Variants in SMAD9 observed in about 807,000 individuals in gnomAD.
SMAD9 encodes the protein SMAD family member 9, also known as MAD homolog 9.
In SMAD9, 36 loss-of-function variants were observed where a neutral mutation model predicts 46.1. That is an observed-to-expected ratio of 0.78 (90% CI 0.60 to 1.03). The LOEUF (loss-of-function observed/expected upper bound fraction) is 1.03, where lower values mean the gene tolerates loss of function less well. SMAD9 is among the 50% of genes least tolerant of loss of function. SMAD9 has a pLI of 0.00. For missense variants in SMAD9, 572 were observed against 599.8 expected (o/e 0.95, Z 0.48); for synonymous variants, 245 against 237.1 (o/e 1.03, Z -0.31).
intron 5 of SMAD9, among the ~76,000 whole-genome samples, chr13:36,856,106 T>C (rs936571227): frequency 3.3e-5 from 5 of 152,006 alleles, no homozygotes; most frequent in African/African-American, 1.2e-4. Context: ...CTCACGATCA[T>C]AAAGAGAACC....
Position 36,902,971 on chromosome 13 carries a change from G to T in SMAD9, c.-187+17145C>A, listed in dbSNP as rs151148879. Reference sequence around the variant, plus strand: ...TCCTGAAAAGATAAAGTCATCCACAGCTGAAATAAGCGTGAGGATGGGAGT... The same window carrying T: ...TCCTGAAAAGATAAAGTCATCCACATCTGAAATAAGCGTGAGGATGGGAGT... On this transcript the variant is annotated intron_variant, in intron 1 of 6. Transcript: ENST00000379826. Among the ~76,000 whole-genome samples, 3 of 152,272 alleles carry T rather than the reference G, an allele frequency of 2.0e-5. No homozygotes were observed. The East Asian group carries it at 5.8e-4, about 29-fold the overall frequency.
rs767433709 is a variant in SMAD9 at position 36,865,545 on chromosome 13, A to G, written c.995T>C (p.Ile332Thr). The G allele has an allele frequency of 2.2e-5, 36 of 1,612,076 alleles. No individual in the cohort carries two copies. Among genetic ancestry groups the G allele is most frequent in the Non-Finnish European group, 2.5e-5 (29 of 1,178,410 alleles). ...NSTIENTRRH[I>T]GKGVHLYYVG... The stretch of plus-strand genomic sequence containing the variant: ...AACATCTTTGCTCTTACCCTTTCCT[A>G]TATGTCTCCTGGTATTTTCTATCGT... The change falls in exon 5 of 7, where the codon ATA becomes ACA. Residue 332 changes from isoleucine (I) to threonine (T), a missense_variant. Ile to Thr is a moderately conservative substitution (Grantham distance 89). Transcript: ENST00000379826.
chr13:36,865,719 CACCAGTG>C lies in SMAD9; in HGVS notation c.814_820del (p.His272AlafsTer8). 1 of 1,614,166 alleles carries C rather than the reference CACCAGTG, an allele frequency of 6.2e-7. No homozygotes were observed. ...GTTCAGTTCATAGTAGGCGACCGAGCACCAGTGCTGGGGCTCCTCGTAACAAACTGGT... is the reference window on the plus strand; with the variant it reads ...GTTCAGTTCATAGTAGGCGACCGAGCCTGGGGCTCCTCGTAACAAACTGGT... On this transcript the variant is annotated frameshift_variant, in exon 5 of 7. Transcript: ENST00000379826. LOFTEE classifies it high-confidence loss of function.
Position 36,848,090 on chromosome 13 carries a change from T to G in SMAD9, c.*586A>C, listed in dbSNP as rs1041990420. The G allele has an allele frequency of 6.5e-6, 1 of 152,724 alleles. No homozygotes were observed. The highest frequency in any genetic ancestry group is 2.1e-4 in the South Asian group (1 of 4,852). The allele number at this position is 152,724 out of a possible 1,614,324, so 9.5% of individuals were successfully genotyped here. ...TTTTCCGATCACAGTTTGTTTAAAATGTACCACTGAATATGAGCACAGGAG... is the reference window on the plus strand; with the variant it reads ...TTTTCCGATCACAGTTTGTTTAAAAGGTACCACTGAATATGAGCACAGGAG... On this transcript the variant is annotated 3_prime_UTR_variant, in exon 7 of 7. Coordinates refer to ENST00000379826, the MANE Select transcript of SMAD9 (RefSeq NM_001127217.3).
At chr13:36,892,208 C>A (rs1262831154) in intron 1 of SMAD9, among the ~76,000 whole-genome samples, 1 of 152,138 alleles carries the variant, frequency 6.6e-6, no homozygotes, top group Non-Finnish European at 1.5e-5. Flanking sequence ...CTTACAAAGT[C>A]ACGGAGGATA....
chr13:36,906,824 C>A (rs1265235085), intron 1 of SMAD9, among the ~76,000 whole-genome samples: 1 of 152,154 alleles, frequency 6.6e-6, no homozygotes, highest in African/African-American at 2.4e-5. Flanking sequence ...TGTAAAATGG[C>A]TTAGCAGGTG....
rs1454446482 is a variant in SMAD9, at chr13:36,879,720, G to A, written c.-31C>T. The A allele has an allele frequency of 6.8e-6, 11 of 1,612,188 alleles. No individual in the cohort carries two copies. The highest frequency in any genetic ancestry group is 9.3e-6 in the Non-Finnish European group (11 of 1,179,964). ...GCCACAGCAGGCTCCGGCGCGCACG[G>A]GAACCGCACAGCCCTTCACGGCAAA... On this transcript the variant is annotated 5_prime_UTR_variant, in exon 2 of 7. Coordinates refer to ENST00000379826, the MANE Select transcript of SMAD9 (RefSeq NM_001127217.3).
rs539138777 is a variant in SMAD9, at chr13:36,893,349, T to A, written c.-186-13474A>T. Among the ~76,000 whole-genome samples, 31 of 150,634 alleles carry A rather than the reference T, an allele frequency of 2.1e-4. No homozygotes were observed. The East Asian group carries it at 3.1e-3, about 15-fold the overall frequency. On this transcript the variant is annotated intron_variant, in intron 1 of 6. Coordinates refer to ENST00000379826, the MANE Select transcript of SMAD9 (RefSeq NM_001127217.3). ...ATGTCCTACTGGATCATAGTTTTTT[T>A]AAAAAAATTGAAAGCCACTTCCCTA... is the stretch of plus-strand genomic sequence containing the variant.
intron 1 of SMAD9, among the ~76,000 whole-genome samples, chr13:36,890,110 T>A (rs1267640387): frequency 6.6e-6 from 1 of 152,232 alleles, no homozygotes; most frequent in Non-Finnish European, 1.5e-5. Flanking sequence ...TAACTGCTAA[T>A]TTTACTTCGA....
chr13:36,861,798 G>A (rs1360487659), intron 5 of SMAD9, among the ~76,000 whole-genome samples: 1 of 151,642 alleles, frequency 6.6e-6, no homozygotes, highest in African/African-American at 2.4e-5. Flanking sequence ...GTGTGGTGGT[G>A]TGCGCCTGTA....
intron 2 of SMAD9, among the ~76,000 whole-genome samples, chr13:36,876,750 G>T (rs1048131362): frequency 1.3e-5 from 2 of 152,128 alleles, no homozygotes; most frequent in Middle Eastern, 3.4e-3. Flanking sequence ...TAAAATGGAT[G>T]GCTAAAAAAT....
intron 1 of SMAD9, among the ~76,000 whole-genome samples, chr13:36,901,285 C>T (rs1287205147): frequency 6.6e-6 from 1 of 152,142 alleles, no homozygotes. Context: ...ACTTCACATT[C>T]CCATCAGAAA....
At chr13:36,907,316 G>T (rs2138672379) in intron 1 of SMAD9, among the ~76,000 whole-genome samples, 1 of 152,138 alleles carries the variant, frequency 6.6e-6, no homozygotes, top group African/African-American at 2.4e-5. Flanking sequence ...AATGGATAGG[G>T]TGGTAGTTGT....
At chr13:36,888,718 T>C (rs1335049201) in intron 1 of SMAD9, among the ~76,000 whole-genome samples, 1 of 152,158 alleles carries the variant, frequency 6.6e-6, no homozygotes, top group Non-Finnish European at 1.5e-5. Flanking sequence ...CTAAATATGT[T>C]TTGTGATGTG....
intron 5 of SMAD9, among the ~76,000 whole-genome samples, chr13:36,858,306 G>A (rs1333101959): frequency 1.3e-5 from 2 of 152,206 alleles, no homozygotes. Flanking sequence ...TGTGCCTACC[G>A]TTGTGCACTG....
intron 1 of SMAD9, among the ~76,000 whole-genome samples, chr13:36,886,457 G>A (rs1403933026): frequency 6.6e-6 from 1 of 152,240 alleles, no homozygotes; most frequent in Non-Finnish European, 1.5e-5. Flanking sequence ...TGGCTCTAAA[G>A]GGGCATGAAG....
At chr13:36,865,428 T>C in intron 5 of SMAD9, 109 bp downstream of exon 5, 1 of 887,340 alleles carries the variant, frequency 1.1e-6, no homozygotes. Context: ...CCTGGGGTCC[T>C]TCCACAGGGG....
At chr13:36,865,871 A>T in intron 4 of SMAD9, 113 bp from the exon 5 acceptor site, 1 of 855,162 alleles carries the variant, frequency 1.2e-6, no homozygotes, top group Admixed American at 2.0e-5. Context: ...CGGCTGCAAG[A>T]CCAAGCATGC....
chr13:36,852,482 A>T, intron 6 of SMAD9: 1 of 985,392 alleles, frequency 1.0e-6, no homozygotes, highest in Non-Finnish European at 1.2e-6. Flanking sequence ...CCTTCCCACT[A>T]AGAAACTTCC....
Sources: gnomAD v4.1 joint callset for allele counts (sites outside exome capture counted in the v4.1 genomes callset) on GRCh38, gnomAD v4.1.1 for gene constraint, MANE v1.5 for transcripts, NCBI Gene and HGNC (gene_info 2026-07-23, HGNC 2026-07-21) for gene names.